Variants in PIP5K1C observed in about 807,000 individuals in gnomAD.
PIP5K1C encodes the protein phosphatidylinositol-4-phosphate 5-kinase type 1 gamma, also known as phosphatidylinositol 4-phosphate 5-kinase type-1 gamma.
A neutral mutation model predicts 80.1 loss-of-function variants in PIP5K1C; 45 were observed. The ratio of observed to expected loss-of-function variants is 0.56; its 90% CI spans 0.44 to 0.72. PIP5K1C has a LOEUF of 0.72. Ranked by LOEUF, PIP5K1C falls within the 30% of genes least tolerant of loss-of-function variation. The probability of loss-of-function intolerance (pLI) is 0.00; values close to 1 mark genes in which losing one functional copy is unlikely to be tolerated. For synonymous variants in PIP5K1C, 498 were observed against 420.1 expected (o/e 1.19, Z -2.27); for missense variants, 753 against 954.6 (o/e 0.79, Z 2.78).
intron 11 of PIP5K1C, among the ~76,000 whole-genome samples, chr19:3,644,674 C>T (rs561481034): frequency 2.6e-5 from 4 of 152,362 alleles, no homozygotes; most frequent in African/African-American, 9.6e-5. Context: ...AAGCCTGTGG[C>T]TCAGCATGTA....
At chr19:3,672,026 C>A (rs1039432089) in intron 1 of PIP5K1C, among the ~76,000 whole-genome samples, 1 of 152,170 alleles carries the variant, frequency 6.6e-6, no homozygotes, top group Non-Finnish European at 1.5e-5. Flanking sequence ...GGGGCTCTGC[C>A]GCTGGGGCCC....
intron 2 of PIP5K1C, among the ~76,000 whole-genome samples, chr19:3,665,657 G>A (rs963013203): frequency 1.6e-4 from 25 of 152,146 alleles, no homozygotes; most frequent in African/African-American, 6.0e-4. Context: ...TTGTCCCTGA[G>A]GGAGATGGTC....
chr19:3,685,118 C>T (rs10419980), intron 1 of PIP5K1C, among the ~76,000 whole-genome samples: 44,255 of 152,038 alleles, frequency 0.29, 7,122 homozygotes, highest in African/African-American at 0.43. Flanking sequence ...CTGAAAAAGA[C>T]GCCCAGACCC....
intron 1 of PIP5K1C, among the ~76,000 whole-genome samples, chr19:3,685,926 C>T (rs1371998739): frequency 6.6e-6 from 1 of 151,906 alleles, no homozygotes; most frequent in African/African-American, 2.4e-5. Flanking sequence ...CACAGTGGTG[C>T]CACCATAGCT....
At chr19:3,646,137 G>A (rs1200816228) in intron 10 of PIP5K1C, 79 bp from the exon 11 acceptor site, 12 of 840,318 alleles carry the variant, frequency 1.4e-5, no homozygotes, top group Middle Eastern at 2.2e-4. Flanking sequence ...GACAGACGCT[G>A]TATGTGTGTG....
In PIP5K1C at chr19:3,637,331, C is replaced by T. The variant is rs544800708; in HGVS notation, c.1920+1553G>A. The T allele has an allele frequency of 1.3e-5, 20 of 1,532,316 alleles. No individual in the cohort carries two copies. Among genetic ancestry groups the T allele is most frequent in the African/African-American group, 5.5e-5 (4 of 73,112 alleles). 94.9% of individuals were successfully genotyped at this position (1,532,316 alleles called of 1,614,324 possible). A position where few individuals can be genotyped will look rare whatever the true frequency, so the allele number is the denominator to read the frequency against. ...TGGAGCGCCCGGTTCGACGTGGGAC[C>T]GAATGACATTCCCAGTGACGCATGC... On this transcript the variant is annotated intron_variant, in intron 16 of 17. Transcript: ENST00000335312. This position sits in a 1 kb window ranked among gnomAD's most constrained non-coding sequence, Gnocchi z 7.0.
At chr19:3,669,738 C>T (rs978468145) in intron 1 of PIP5K1C, 1 of 152,168 alleles carries the variant, frequency 6.6e-6, no homozygotes, top group Non-Finnish European at 1.5e-5. Flanking sequence ...CCCATGGGCA[C>T]TGTGCTGCTC....
At chr19:3,646,257 G>C (rs138549321) in intron 10 of PIP5K1C, among the ~76,000 whole-genome samples, 199 bp from the exon 11 acceptor site, 35 of 152,296 alleles carry the variant, frequency 2.3e-4, no homozygotes, top group Middle Eastern at 3.4e-3. Flanking sequence ...GGGAGACTGG[G>C]TGCCAGGGAA....
chr19:3,660,898 C>CAGACCCTCCG, intron 5 of PIP5K1C, 68 bp downstream of exon 5: 1 of 1,318,056 alleles, frequency 7.6e-7, no homozygotes, highest in South Asian at 1.2e-5. Context: ...GCCTGACCCA[C>CAGACCCTCCG]AGACCCTCCG....
intron 12 of PIP5K1C, among the ~76,000 whole-genome samples, chr19:3,643,703 G>A (rs2145407427): frequency 8.4e-6 from 1 of 118,518 alleles, no homozygotes; most frequent in Non-Finnish European, 1.6e-5. Flanking sequence ...CCTCCGCGCT[G>A]CTTGGCCACA....
chr19:3,700,181 G>T, intron 1 of PIP5K1C, 116 bp downstream of exon 1: 1 of 494,100 alleles, frequency 2.0e-6, no homozygotes, highest in Non-Finnish European at 2.7e-6. Flanking sequence ...CAGGCTCCTG[G>T]AACCGGCGGC....
intron 10 of PIP5K1C, 89 bp from the exon 11 acceptor site, chr19:3,646,147 G>A: frequency 2.5e-6 from 2 of 799,662 alleles, no homozygotes; most frequent in Non-Finnish European, 4.5e-6. Flanking sequence ...GTATGTGTGT[G>A]GGGGGCACCT....
In PIP5K1C at chr19:3,696,481, G is replaced by A. The variant is rs992887578; in HGVS notation, c.94+3816C>T. On this transcript the variant is annotated intron_variant, in intron 1 of 17. Transcript: ENST00000335312. This position sits in a 1 kb window ranked among gnomAD's most constrained non-coding sequence, Gnocchi z 4.1. ...AAGAGGAACCGGGAGGGCAGGGGAC[G>A]GAGAAGGGGAGACCGCTGTGTGGTG... Among the ~76,000 whole-genome samples the A allele has an allele frequency of 2.6e-5, 4 of 152,092 alleles. No homozygotes were observed. The highest frequency in any genetic ancestry group is 4.4e-5 in the Non-Finnish European group (3 of 68,008).
intron 11 of PIP5K1C, among the ~76,000 whole-genome samples, chr19:3,645,627 G>C (rs1050280209): frequency 3.3e-5 from 5 of 152,192 alleles, no homozygotes. Context: ...TATCTGCTGA[G>C]TCAGGCCCAC....
chr19:3,690,150 C>T (rs554404437), intron 1 of PIP5K1C, among the ~76,000 whole-genome samples: 13 of 150,878 alleles, frequency 8.6e-5, no homozygotes, highest in African/African-American at 2.0e-4. Context: ...TTGTTCAAGA[C>T]GAGACATGGC....
At chr19:3,679,327 C>T (rs889871328) in intron 1 of PIP5K1C, among the ~76,000 whole-genome samples, 2 of 152,190 alleles carry the variant, frequency 1.3e-5, no homozygotes, top group Non-Finnish European at 2.9e-5. Context: ...CATGTTCCTG[C>T]CTCAGGGGCC....
At chr19:3,683,088 A>C (rs1245554825) in intron 1 of PIP5K1C, among the ~76,000 whole-genome samples, 1 of 151,774 alleles carries the variant, frequency 6.6e-6, no homozygotes, top group Non-Finnish European at 1.5e-5. Flanking sequence ...GGTCTAGATC[A>C]AATGTCACCT....
rs987778361 is a variant in PIP5K1C, at chr19:3,641,468, G to A, written c.1787+237C>T. Among the ~76,000 whole-genome samples, 6 of 152,108 alleles carry A rather than the reference G, an allele frequency of 3.9e-5. No homozygotes were observed. In the East Asian group the frequency reaches 1.2e-3, roughly 29 times the overall value. ...CACTCCATGCCAGGAGCACCCCCCAGTTCTAACAGTCACAAATGTCCCCAG... is the reference window on the plus strand; with the variant it reads ...CACTCCATGCCAGGAGCACCCCCCAATTCTAACAGTCACAAATGTCCCCAG... On this transcript the variant is annotated intron_variant, in intron 15 of 17. Coordinates refer to ENST00000335312, the MANE Select transcript of PIP5K1C (RefSeq NM_012398.3).
chr19:3,700,088 G>A (rs2036249331), intron 1 of PIP5K1C, among the ~76,000 whole-genome samples: 1 of 152,018 alleles, frequency 6.6e-6, no homozygotes, highest in South Asian at 2.1e-4. Flanking sequence ...GGGAGCGGTG[G>A]GAGGTAGCCC....
Sources: allele counts gnomAD v4.1 joint callset (sites outside exome capture counted in the v4.1 genomes callset), GRCh38; gene constraint gnomAD v4.1.1; non-coding constraint Gnocchi (gnomAD v3.1); transcripts MANE v1.5; gene names NCBI Gene and HGNC (gene_info 2026-07-23, HGNC 2026-07-21).